The following TSHZ2 variants were observed in gnomAD, a reference collection of about 807,000 sequenced individuals.
The protein encoded by TSHZ2 is teashirt zinc finger homeobox 2, also known as teashirt homolog 2.
Under a neutral mutation model 74.4 loss-of-function variants are expected in TSHZ2, and 21 were observed. The observed-to-expected ratio is 0.28, with a 90% CI of 0.20 to 0.41. The LOEUF (loss-of-function observed/expected upper bound fraction) is 0.41, where lower values mean the gene tolerates loss of function less well. Among genes scored for constraint, TSHZ2 ranks in the 10% least tolerant of loss-of-function variants. The probability of loss-of-function intolerance (pLI) is 1.00; values close to 1 mark genes in which losing one functional copy is unlikely to be tolerated. For synonymous variants in TSHZ2, 540 were observed against 515.3 expected, an observed-to-expected ratio of 1.05 and a Z score of -0.65; for missense variants, 1,244 against 1,293.5, an observed-to-expected ratio of 0.96 and a Z score of 0.59.
At chr20:53,023,258 C>T (rs972500407) in intron 1 of TSHZ2, among the ~76,000 whole-genome samples, 1 of 152,124 alleles carries the variant, frequency 6.6e-6, no homozygotes, top group Non-Finnish European at 1.5e-5. Flanking sequence ...AGGTGGTGTT[C>T]ATGGCCTTTC....
At chr20:53,435,620 TCTC>T (rs1378924970) in intron 2 of TSHZ2, among the ~76,000 whole-genome samples, 1 of 152,126 alleles carries the variant, frequency 6.6e-6, no homozygotes, top group African/African-American at 2.4e-5. Context: ...TTCAAGCAAT[TCTC>T]CTGCCTCAGC....
intron 1 of TSHZ2, among the ~76,000 whole-genome samples, chr20:53,193,134 C>T (rs1988778659): frequency 1.3e-5 from 2 of 150,652 alleles, no homozygotes; most frequent in South Asian, 4.2e-4. Context: ...GAAGAATGTT[C>T]CTCCTTTGGG....
At chr20:53,147,544 CA>C (rs1360071222) in intron 1 of TSHZ2, among the ~76,000 whole-genome samples, 2 of 152,138 alleles carry the variant, frequency 1.3e-5, no homozygotes, top group Non-Finnish European at 2.9e-5. Context: ...TTAATAATGT[CA>C]TGTCATAATA....
chr20:53,442,142 G>A (rs909866979), intron 2 of TSHZ2, among the ~76,000 whole-genome samples: 1 of 152,100 alleles, frequency 6.6e-6, no homozygotes, highest in Non-Finnish European at 1.5e-5. Flanking sequence ...TGTATTTGTT[G>A]AAAATATAAA....
At chr20:53,070,888 C>G (rs117604123) in intron 1 of TSHZ2, among the ~76,000 whole-genome samples, 4,366 of 152,216 alleles carry the variant, frequency 0.029, 95 homozygotes, top group Non-Finnish European at 0.043. Context: ...AAGTGAGTGT[C>G]TGAGATTTAT....
chr20:53,471,833 T>G lies in TSHZ2; in HGVS notation c.*9-15311T>G, dbSNP rs1985814857. Among the ~76,000 whole-genome samples, 3 of 148,982 alleles carry G rather than the reference T, an allele frequency of 2.0e-5. No homozygotes were observed. The Admixed American group carries it at 2.0e-4, about 10-fold the overall frequency. On this transcript the variant is annotated intron_variant, in intron 2 of 2. Coordinates refer to ENST00000371497, the MANE Select transcript of TSHZ2 (RefSeq NM_173485.6). Reference sequence around the variant, plus strand: ...TTTTTTTTTTTTTTTTGAGATAGAGTTTCACTCTTGTTGCCCAGGCTGGAG... The same window carrying G: ...TTTTTTTTTTTTTTTTGAGATAGAGGTTCACTCTTGTTGCCCAGGCTGGAG...
chr20:52,996,419 T>C (rs946290156), intron 1 of TSHZ2, among the ~76,000 whole-genome samples: 2 of 151,978 alleles, frequency 1.3e-5, no homozygotes, highest in African/African-American at 4.8e-5. Flanking sequence ...AGTTTTTGTA[T>C]GTCAGGAATG....
intron 2 of TSHZ2, among the ~76,000 whole-genome samples, chr20:53,409,686 C>T (rs1414908977): frequency 6.6e-6 from 1 of 151,974 alleles, no homozygotes; most frequent in Non-Finnish European, 1.5e-5. Context: ...GAACGCTTTG[C>T]TTTTGGAGTC....
chr20:53,260,090 C>T (rs1600774227), intron 2 of TSHZ2, among the ~76,000 whole-genome samples: 1 of 151,872 alleles, frequency 6.6e-6, no homozygotes, highest in African/African-American at 2.4e-5. Flanking sequence ...TCTTTTCTTC[C>T]CTCCCTGCAT....
At chr20:53,342,341 A>G (rs1168319162) in intron 2 of TSHZ2, among the ~76,000 whole-genome samples, 2 of 143,984 alleles carry the variant, frequency 1.4e-5, no homozygotes, top group African/African-American at 5.2e-5. Context: ...GACTGTTTTA[A>G]GGCGTACTGG....
chr20:53,225,849 C>G (rs549993502), intron 1 of TSHZ2, among the ~76,000 whole-genome samples: 5 of 152,154 alleles, frequency 3.3e-5, no homozygotes, highest in African/African-American at 7.2e-5. Context: ...TATTACAGCT[C>G]TAAATTGTAA....
chr20:53,206,780 AG>A (rs1253879914), intron 1 of TSHZ2, among the ~76,000 whole-genome samples: 1 of 152,178 alleles, frequency 6.6e-6, no homozygotes, highest in Non-Finnish European at 1.5e-5. Flanking sequence ...TGCCCTGGAA[AG>A]ATTCATTTTC....
chr20:53,368,381 C>G (rs1981350596), intron 2 of TSHZ2, among the ~76,000 whole-genome samples: 1 of 152,120 alleles, frequency 6.6e-6, no homozygotes, highest in African/African-American at 2.4e-5. Flanking sequence ...GTGACTTCGG[C>G]TCATGGCAAC....
chr20:53,218,114 G>A (rs1989476728), intron 1 of TSHZ2, among the ~76,000 whole-genome samples: 1 of 152,214 alleles, frequency 6.6e-6, no homozygotes, highest in Non-Finnish European at 1.5e-5. Flanking sequence ...ACAGTCTCAA[G>A]TCTGGTTCTT....
At chr20:53,053,489 C>T (rs747536019) in intron 1 of TSHZ2, among the ~76,000 whole-genome samples, 2 of 152,064 alleles carry the variant, frequency 1.3e-5, no homozygotes, top group Non-Finnish European at 2.9e-5. Context: ...GGATTCATTC[C>T]CCCACCATCT....
intron 1 of TSHZ2, among the ~76,000 whole-genome samples, chr20:53,093,365 T>C (rs1985943567): frequency 6.6e-6 from 1 of 152,240 alleles, no homozygotes; most frequent in African/African-American, 2.4e-5. Flanking sequence ...AAGAGTAACC[T>C]TAACATGGAA....
chr20:53,233,093 A>G (rs569981880), intron 1 of TSHZ2, among the ~76,000 whole-genome samples: 2 of 150,722 alleles, frequency 1.3e-5, no homozygotes, highest in African/African-American at 4.9e-5. Flanking sequence ...TTCCTGAAAT[A>G]GCTTCCAACT....
intron 2 of TSHZ2, among the ~76,000 whole-genome samples, chr20:53,479,548 C>A (rs1211458146): frequency 6.6e-6 from 1 of 152,210 alleles, no homozygotes; most frequent in Non-Finnish European, 1.5e-5. Context: ...AAATAACTCC[C>A]ATTAAATTCC....
intron 2 of TSHZ2, among the ~76,000 whole-genome samples, chr20:53,338,657 G>T (rs1980054715): frequency 6.6e-6 from 1 of 152,166 alleles, no homozygotes; most frequent in African/African-American, 2.4e-5. Flanking sequence ...CAGTGCCTGG[G>T]ACAGCCCACC....
Sources: gnomAD v4.1 joint callset for allele counts (sites outside exome capture counted in the v4.1 genomes callset) on GRCh38, gnomAD v4.1.1 for gene constraint, MANE v1.5 for transcripts, NCBI Gene and HGNC (gene_info 2026-07-23, HGNC 2026-07-21) for gene names.